Variants in ACACA observed in about 807,000 individuals in gnomAD.
ACACA encodes the protein acetyl-CoA carboxylase alpha, also known as acetyl-CoA carboxylase 1.
ACACA carries 103 observed loss-of-function variants against 296.1 expected under a neutral mutation model. The ratio of observed to expected loss-of-function variants is 0.35; its 90% confidence interval spans 0.30 to 0.41. The LOEUF (loss-of-function observed/expected upper bound fraction) is 0.41, where lower values mean the gene tolerates loss of function less well. ACACA is among the 10% of genes least tolerant of loss of function. ACACA has a pLI of 1.00. For missense variants in ACACA, 1,554 were observed against 2,989.7 expected, an observed-to-expected ratio of 0.52 and a Z score of 11.20; for synonymous variants, 953 against 1,038.6, an observed-to-expected ratio of 0.92 and a Z score of 1.58.
At chr17:37,390,302 A>AT (rs2050785007) in intron 1 of ACACA, among the ~76,000 whole-genome samples, 6 of 39,460 alleles carry the variant, frequency 1.5e-4, no homozygotes, top group African/African-American at 6.1e-4. Flanking sequence ...TATTATACAT[A>AT]ATTATATATA....
rs2077742793 is a variant in ACACA, at chr17:37,191,362, A to G, written c.4417-87T>C. ...ATTATAATCACTTAAGCAGCAGTAT[A>G]TCATGAATCATAAGGCACTTGGTGA... On this transcript the variant is annotated intron_variant, in intron 37 of 55. Coordinates refer to ENST00000616317, the MANE Select transcript of ACACA (RefSeq NM_198834.3). 9 of 1,296,814 alleles carry G rather than the reference A, an allele frequency of 6.9e-6. No individual in the cohort carries two copies. In the Admixed American group the frequency reaches 1.7e-4, roughly 25 times the overall value. 80.3% of individuals were successfully genotyped at this position (1,296,814 alleles called of 1,614,324 possible).
chr17:37,126,098 T>C (rs1457902586), intron 47 of ACACA, among the ~76,000 whole-genome samples: 5 of 152,220 alleles, frequency 3.3e-5, no homozygotes, highest in Non-Finnish European at 5.9e-5. Flanking sequence ...AACTTGACTT[T>C]CTTCAAGACA....
chr17:37,274,118 C>T, intron 9 of ACACA, 75 bp downstream of exon 9: 2 of 1,301,558 alleles, frequency 1.5e-6, no homozygotes, highest in Middle Eastern at 1.8e-4. Context: ...TATCACGAGC[C>T]AGGCTCCCAA....
At chr17:37,289,569 T>C (rs2082948103) in intron 3 of ACACA, 1 of 1,201,458 alleles carries the variant, frequency 8.3e-7, no homozygotes, top group African/African-American at 1.5e-5. Context: ...AAACTAGGAC[T>C]GATCTTCTTA....
intron 24 of ACACA, among the ~76,000 whole-genome samples, chr17:37,235,944 A>T (rs1405344955): frequency 2.6e-5 from 4 of 152,238 alleles, no homozygotes; most frequent in Non-Finnish European, 5.9e-5. Flanking sequence ...CATGGGATAT[A>T]AGTAATATTC....
Position 37,259,459 on chromosome 17 carries a change from A to C in ACACA, c.1401T>G (p.Asp467Glu). 6.2e-7 allele frequency: 1 copy of C among 1,614,222 alleles called. No homozygotes were observed. Among genetic ancestry groups the C allele is most frequent in the African/African-American group, 1.3e-5 (1 of 75,056 alleles). The change falls in exon 12 of 56, where the codon GAT becomes GAG. Residue 467 changes from aspartate to glutamate, a missense_variant. Around this residue, in one of 16 missense-constraint regions of ACACA, gnomAD observed 82 missense variants for 185.2 expected, o/e 0.44. Coordinates refer to ENST00000616317, the MANE Select transcript of ACACA (RefSeq NM_198834.3). ...AGTVEYLYSQ[D>E]GSFYFLELNP... ...TCAATTCCAGAAAGTAGAAGCTGCC[A>C]TCCTGGCTGTACAGGTATTCCACAG...
chr17:37,141,606 C>T (rs754714192), intron 45 of ACACA, among the ~76,000 whole-genome samples: 1 of 152,106 alleles, frequency 6.6e-6, no homozygotes, highest in African/African-American at 2.4e-5. Flanking sequence ...CCTTCCATTT[C>T]ACAAAGAGGA....
intron 1 of ACACA, among the ~76,000 whole-genome samples, chr17:37,352,112 G>T (rs1360520337): frequency 6.6e-6 from 1 of 151,238 alleles, no homozygotes; most frequent in Non-Finnish European, 1.5e-5. Context: ...TAGAGACAAG[G>T]CTTCACCATG....
chr17:37,265,511 G>T, intron 10 of ACACA, among the ~76,000 whole-genome samples: 1 of 151,998 alleles, frequency 6.6e-6, no homozygotes, highest in Non-Finnish European at 1.5e-5. Flanking sequence ...CCAAAGACCT[G>T]GGAACTAAGA....
intron 24 of ACACA, 24 bp from the exon 25 acceptor site, chr17:37,235,123 T>C: frequency 6.2e-7 from 1 of 1,612,712 alleles, no homozygotes; most frequent in Non-Finnish European, 8.5e-7. Flanking sequence ...AAAGAACTGG[T>C]TCTCACCCAT....
intron 45 of ACACA, among the ~76,000 whole-genome samples, chr17:37,137,317 A>C (rs1418093069): frequency 1.3e-5 from 2 of 152,294 alleles, no homozygotes; most frequent in Admixed American, 1.3e-4. Context: ...TGGTGTTTGC[A>C]GGGCCTCGCT....
chr17:37,205,020 G>T (rs1333594003), intron 33 of ACACA, among the ~76,000 whole-genome samples: 4 of 152,152 alleles, frequency 2.6e-5, no homozygotes, highest in African/African-American at 9.7e-5. Flanking sequence ...GATAGTAAGG[G>T]TTTGAATTAG....
intron 3 of ACACA, among the ~76,000 whole-genome samples, chr17:37,304,048 C>T (rs1414184495): frequency 1.3e-5 from 2 of 152,074 alleles, no homozygotes; most frequent in Admixed American, 6.5e-5. Flanking sequence ...TTTCCTAATA[C>T]TAATTAATAT....
chr17:37,161,138 G>A (rs2076443157), intron 42 of ACACA, among the ~76,000 whole-genome samples: 1 of 152,216 alleles, frequency 6.6e-6, no homozygotes, highest in African/African-American at 2.4e-5. Context: ...ACTAAAAGAT[G>A]CAAAGAATGA....
chr17:37,259,107 A>G (rs1243851490), intron 12 of ACACA, among the ~76,000 whole-genome samples: 14 of 152,256 alleles, frequency 9.2e-5, no homozygotes, highest in Non-Finnish European at 1.9e-4. Flanking sequence ...TAAAGCATAC[A>G]TTATTAACAT....
At chr17:37,223,651 T>G (rs1370701753) in intron 27 of ACACA, 50 bp from the exon 28 acceptor site, 2 of 1,307,182 alleles carry the variant, frequency 1.5e-6, no homozygotes, top group Non-Finnish European at 2.2e-6. Context: ...GGAGAACAAT[T>G]TCAATGGACA....
At chr17:37,147,609 G>T (rs1025509722) in intron 45 of ACACA, among the ~76,000 whole-genome samples, 1 of 152,162 alleles carries the variant, frequency 6.6e-6, no homozygotes, top group Non-Finnish European at 1.5e-5. Context: ...ATAAAATCGG[G>T]TGTCTTCAGC....
chr17:37,227,174 G>A (rs1251790314), intron 25 of ACACA, among the ~76,000 whole-genome samples: 1 of 152,060 alleles, frequency 6.6e-6, no homozygotes, highest in African/African-American at 2.4e-5. Flanking sequence ...AAAATGTTAA[G>A]AAAATAATCT....
intron 17 of ACACA, 53 bp downstream of exon 17, chr17:37,248,540 A>G (rs2080825979): frequency 4.4e-6 from 6 of 1,359,554 alleles, no homozygotes; most frequent in Non-Finnish European, 1.1e-6. Flanking sequence ...CTCTCAACCT[A>G]AAGAAAGATA....
Sources: gnomAD v4.1 joint callset for allele counts (sites outside exome capture counted in the v4.1 genomes callset) on GRCh38, gnomAD v4.1.1 for gene constraint, gnomAD v4.1.1 regional missense constraint, MANE v1.5 for transcripts, NCBI Gene and HGNC (gene_info 2026-07-23, HGNC 2026-07-21) for gene names.